PCDH7: variants seen among roughly 807,000 people sequenced by gnomAD.
PCDH7 encodes protocadherin-7.
A neutral mutation model predicts 58.9 loss-of-function variants in PCDH7; 17 were observed. That is an observed-to-expected ratio of 0.29 (90% CI 0.20 to 0.43). The LOEUF is 0.43. Ranked by LOEUF, PCDH7 falls within the 20% of genes least tolerant of loss-of-function variation. The pLI, the probability that PCDH7 is intolerant of heterozygous loss-of-function variation, is 1.00. For synonymous variants in PCDH7, 664 were observed against 616.4 expected (o/e 1.08, Z -1.14); for missense variants, 1,274 against 1,441.0 (o/e 0.88, Z 1.88).
chr4:30,759,459 C>T (rs928029491), intron 1 of PCDH7, among the ~76,000 whole-genome samples: 6 of 151,974 alleles, frequency 3.9e-5, no homozygotes, highest in African/African-American at 7.3e-5. Flanking sequence ...CTTTGAAAGA[C>T]GAAGAAACTC....
At chr4:30,886,386 T>G (rs1217018723) in intron 1 of PCDH7, among the ~76,000 whole-genome samples, 7 of 150,278 alleles carry the variant, frequency 4.7e-5, no homozygotes, top group African/African-American at 1.7e-4. Flanking sequence ...TCATCATCAC[T>G]GGCCATCAGA....
intron 3 of PCDH7, among the ~76,000 whole-genome samples, chr4:31,052,354 C>T (rs1005156375): frequency 6.6e-6 from 1 of 152,062 alleles, no homozygotes; most frequent in Non-Finnish European, 1.5e-5. Flanking sequence ...CATTTTGAAA[C>T]TACACAAAGG....
At chr4:30,936,885 T>C (rs1018875544) in intron 2 of PCDH7, among the ~76,000 whole-genome samples, 45 of 152,076 alleles carry the variant, frequency 3.0e-4, no homozygotes, top group African/African-American at 1.1e-3. Flanking sequence ...GAAGAATCAA[T>C]ACCAGATGCT....
intron 3 of PCDH7, among the ~76,000 whole-genome samples, chr4:30,967,598 C>A (rs560376252): frequency 5.3e-5 from 8 of 152,220 alleles, no homozygotes; most frequent in African/African-American, 1.9e-4. Flanking sequence ...GCACTGGGTC[C>A]TATAGAAGCT....
chr4:30,990,284 T>C (rs1751361583), intron 3 of PCDH7, among the ~76,000 whole-genome samples: 1 of 151,980 alleles, frequency 6.6e-6, no homozygotes, highest in Non-Finnish European at 1.5e-5. Context: ...TACCTATATA[T>C]GTATGTACAC....
intron 3 of PCDH7, among the ~76,000 whole-genome samples, chr4:31,041,484 G>T (rs1755853092): frequency 6.6e-6 from 1 of 152,064 alleles, no homozygotes; most frequent in Non-Finnish European, 1.5e-5. Context: ...CTTCACAAGT[G>T]AAAATCAAAC....
In PCDH7 at chr4:30,813,911, AT is replaced by A. The variant is rs1274927001; in HGVS notation, c.70+89317del. 1.1e-4 allele frequency among the ~76,000 whole-genome samples: 17 copies of A among 152,294 alleles called. 1 individual carries two copies. The highest frequency in any genetic ancestry group is 4.1e-4 in the African/African-American group (17 of 41,560). ...AGCCTCGGCCTCCCAAAGTGCTGGG[AT>A]TACAGGCGTGAGCTACCGCGCCCAA... On this transcript the variant is annotated intron_variant, in intron 1 of 3. Transcript: ENST00000509759.
In PCDH7 at chr4:31,110,035, A is replaced by G. The variant is rs76381947; in HGVS notation, c.*8-32438A>G. Among the ~76,000 whole-genome samples the G allele has an allele frequency of 5.9e-4, 90 of 152,346 alleles. 1 individual carries two copies. In the East Asian group the frequency reaches 0.015, roughly 25 times the overall value. ...AGTATACCTAGAACACCATAAGAAT[A>G]GCATTTACTAAAAATTCAAAGCATT... On this transcript the variant is annotated intron_variant, in intron 3 of 3. Transcript: ENST00000509759.
Position 30,723,009 on chromosome 4 carries a change from C to G in PCDH7, c.1587C>G (p.Asn529Lys). The change falls in exon 1 of 2, where the codon AAC (asparagine) becomes AAG (lysine). Residue 529 changes from asparagine to lysine, a missense_variant. By Grantham distance (94) the Asn-to-Lys change is moderately conservative (BLOSUM62 0). Transcript: ENST00000361762. This position sits in a 1 kb window ranked among gnomAD's most constrained non-coding sequence, Gnocchi z 4.6. ...TGATTGTCAAGGTGGGAGACACCAA[C>G]GACAACCCGCCCATGTTCGGCCAGT... is the stretch of plus-strand genomic sequence containing the variant. 6.2e-7 allele frequency: 1 copy of G among 1,613,868 alleles called. No individual in the cohort carries two copies. Among genetic ancestry groups the G allele is most frequent in the Non-Finnish European group, 8.5e-7 (1 of 1,180,038 alleles).
chr4:30,906,028 G>T (rs980241396), intron 1 of PCDH7, among the ~76,000 whole-genome samples: 3 of 152,134 alleles, frequency 2.0e-5, no homozygotes, highest in Non-Finnish European at 4.4e-5. Context: ...TTTCCACAAA[G>T]ATATTAAGCT....
intron 1 of PCDH7, among the ~76,000 whole-genome samples, chr4:30,824,848 A>C (rs1217093356): frequency 1.3e-5 from 2 of 152,106 alleles, no homozygotes; most frequent in Admixed American, 6.6e-5. Context: ...TAATTATTTG[A>C]GATCTGTGTT....
intron 3 of PCDH7, among the ~76,000 whole-genome samples, chr4:30,976,709 T>G (rs893726621): frequency 6.6e-6 from 1 of 152,148 alleles, no homozygotes; most frequent in Admixed American, 6.5e-5. Flanking sequence ...CATAAAATTC[T>G]TAAAGAAAAG....
chr4:31,113,054 A>C (rs528610846), intron 3 of PCDH7, among the ~76,000 whole-genome samples: 1 of 152,248 alleles, frequency 6.6e-6, no homozygotes, highest in East Asian at 1.9e-4. Flanking sequence ...TTTTTTAAGC[A>C]AGCAGGTCTA....
intron 3 of PCDH7, among the ~76,000 whole-genome samples, chr4:31,092,646 C>T (rs1713405669): frequency 6.6e-6 from 1 of 151,996 alleles, no homozygotes; most frequent in Non-Finnish European, 1.5e-5. Flanking sequence ...CAGTTTAATA[C>T]AGGCAACCTA....
intron 1 of PCDH7, chr4:30,793,997 A>G (rs1206801710): frequency 6.6e-6 from 1 of 152,246 alleles, no homozygotes; most frequent in African/African-American, 2.4e-5. Flanking sequence ...TATGCACCTT[A>G]GAAGTCATTT....
chr4:30,780,926 G>T (rs1380519043), intron 1 of PCDH7, among the ~76,000 whole-genome samples: 1 of 152,126 alleles, frequency 6.6e-6, no homozygotes, highest in African/African-American at 2.4e-5. Context: ...ACCTCACCTT[G>T]TATCTTCCTG....
At position 30,828,841 on chromosome 4, in the gene PCDH7, T is replaced by G. The variant is rs74663540; in HGVS notation, c.71-91312T>G. The stretch of plus-strand genomic sequence containing the variant: ...TTTACCTTGGCCCTGAGGTTTTTTT[T>G]TTGTTGTTGTTGTTAAACCCATGAT... On this transcript the variant is annotated intron_variant, in intron 1 of 3. Transcript: ENST00000509759. Among the ~76,000 whole-genome samples the G allele has an allele frequency of 4.5e-3, 683 of 152,138 alleles. 5 individuals carry two copies. Among genetic ancestry groups the G allele is most frequent in the East Asian group, 0.037 (189 of 5,176 alleles).
intron 1 of PCDH7, among the ~76,000 whole-genome samples, chr4:30,819,555 G>A (rs551145377): frequency 3.3e-5 from 5 of 152,226 alleles, no homozygotes; most frequent in Non-Finnish European, 5.9e-5. Flanking sequence ...TTTTGCTAAG[G>A]ACAAATTAAA....
chr4:30,795,550 G>A (rs1724669937), intron 1 of PCDH7, among the ~76,000 whole-genome samples: 1 of 152,190 alleles, frequency 6.6e-6, no homozygotes, highest in East Asian at 1.9e-4. Context: ...TACAGTAAAT[G>A]CATCTAGGTG....
Sources: gnomAD v4.1 joint callset for allele counts (sites outside exome capture counted in the v4.1 genomes callset) on GRCh38, gnomAD v4.1.1 for gene constraint, Gnocchi (gnomAD v3.1) non-coding constraint, MANE v1.5 for transcripts, NCBI Gene and HGNC (gene_info 2026-07-23, HGNC 2026-07-21) for gene names.